The following LRRC7 variants were observed in gnomAD, a reference collection of about 807,000 sequenced individuals.
The protein encoded by LRRC7 is leucine-rich repeat-containing protein 7.
In LRRC7, 23 loss-of-function variants were observed where a neutral mutation model predicts 175.7. The observed-to-expected ratio is 0.13, with a 90% CI of 0.09 to 0.19. The LOEUF (loss-of-function observed/expected upper bound fraction) is 0.19. LRRC7 is among the 10% of genes least tolerant of loss of function. The pLI, the probability that LRRC7 is intolerant of heterozygous loss-of-function variation, is 1.00. For synonymous variants in LRRC7, 685 were observed against 680.9 expected (o/e 1.01, Z -0.09); for missense variants, 1,354 against 1,904.7 (o/e 0.71, Z 5.38).
intron 7 of LRRC7, chr1:69,919,368 G>A: frequency 1.6e-6 from 1 of 613,690 alleles, no homozygotes; most frequent in Non-Finnish European, 2.9e-6. Context: ...TGGCGGACGA[G>A]GAGAAACTGC....
At position 69,825,797 on chromosome 1, in the gene LRRC7, T is replaced by C. The variant is rs761612928; in HGVS notation, c.471T>C (p.Ile157=). ...ENIKCCKCLT[I]IEASVNPISK... ...TAAAGTGCTGTAAGTGTTTAACAAT[T>C]ATTGAAGCCAGTGTCAATCCCATTT... Residue 157 remains isoleucine (I), a synonymous_variant, in exon 5 of 27, where the codon ATT becomes ATC. Transcript: ENST00000651989. 9 of 1,604,944 alleles carry C rather than the reference T, an allele frequency of 5.6e-6. No homozygotes were observed. In the South Asian group the frequency reaches 8.9e-5, roughly 16 times the overall value.
In LRRC7 at chr1:70,024,791, A is replaced by G. The variant is rs577963922; in HGVS notation, c.1794+1417A>G. On this transcript the variant is annotated intron_variant, in intron 17 of 26. Coordinates refer to ENST00000651989, the MANE Select transcript of LRRC7 (RefSeq NM_001370785.2). ...TGTTTATTCACTTCTGATGCACTGC[A>G]TATACCCAATGAAAAATAAAGCAAA... 3.9e-5 allele frequency among the ~76,000 whole-genome samples: 6 copies of G among 152,306 alleles called. No individual in the cohort carries two copies. In the South Asian group the frequency reaches 1.2e-3, roughly 32 times the overall value.
At chr1:69,643,629 T>G in intron 1 of LRRC7, among the ~76,000 whole-genome samples, 1 of 152,144 alleles carries the variant, frequency 6.6e-6, no homozygotes, top group Non-Finnish European at 1.5e-5. Flanking sequence ...GGTCATGTGA[T>G]GGATGGAGGT....
At chr1:69,919,011 G>A (rs1646801897) in intron 7 of LRRC7, among the ~76,000 whole-genome samples, 1 of 152,082 alleles carries the variant, frequency 6.6e-6, no homozygotes. Context: ...GGTTTCAAAA[G>A]CAATAGAAAA....
intron 1 of LRRC7, among the ~76,000 whole-genome samples, chr1:69,648,880 A>T (rs1457064088): frequency 6.6e-6 from 1 of 152,232 alleles, no homozygotes; most frequent in Admixed American, 6.5e-5. Context: ...TGTTGTAGAC[A>T]GCACAAATAG....
At chr1:70,015,019 C>A (rs912802475) in intron 13 of LRRC7, among the ~76,000 whole-genome samples, 3 of 151,954 alleles carry the variant, frequency 2.0e-5, no homozygotes, top group Admixed American at 6.6e-5. Context: ...TTTTAATATA[C>A]CCCATACGTT....
chr1:69,761,076 G>C (rs1670988029), intron 3 of LRRC7, among the ~76,000 whole-genome samples: 1 of 151,938 alleles, frequency 6.6e-6, no homozygotes, highest in Non-Finnish European at 1.5e-5. Context: ...TTGCAGAAAA[G>C]ACTGGATGAT....
intron 23 of LRRC7, among the ~76,000 whole-genome samples, chr1:70,053,814 A>G (rs1453433621): frequency 1.3e-5 from 2 of 152,202 alleles, no homozygotes; most frequent in East Asian, 1.9e-4. Flanking sequence ...CAAATCAGTA[A>G]TGAAGACATA....
chr1:69,737,715 C>G (rs139937603), intron 2 of LRRC7, among the ~76,000 whole-genome samples: 1 of 152,098 alleles, frequency 6.6e-6, no homozygotes, highest in African/African-American at 2.4e-5. Flanking sequence ...TTAGACACTT[C>G]CCAGAACTCT....
intron 7 of LRRC7, among the ~76,000 whole-genome samples, chr1:69,883,537 G>T (rs1370035905): frequency 3.3e-4 from 32 of 98,402 alleles, no homozygotes; most frequent in Admixed American, 9.3e-4. Flanking sequence ...TGAGTAGGTT[G>T]TGAAAATTTT....
intron 2 of LRRC7, among the ~76,000 whole-genome samples, chr1:69,729,238 T>A (rs1667300297): frequency 6.6e-6 from 1 of 152,068 alleles, no homozygotes; most frequent in Non-Finnish European, 1.5e-5. Flanking sequence ...CCTGGCCTCT[T>A]CCAAATCTCG....
At chr1:69,788,826 C>T (rs1435740586) in intron 3 of LRRC7, among the ~76,000 whole-genome samples, 1 of 152,062 alleles carries the variant, frequency 6.6e-6, no homozygotes, top group Non-Finnish European at 1.5e-5. Flanking sequence ...ACATAAATTT[C>T]AATTAAATTA....
chr1:70,133,433 C>A lies in LRRC7; in HGVS notation c.*11546C>A, dbSNP rs1270912689. On this transcript the variant is annotated 3_prime_UTR_variant, in exon 27 of 27. Transcript: ENST00000651989. ...ACAGGTTTTCTCCATGTTGCCCAGG[C>A]TGGTCTTGAACACCTGGGCTCTATC... Among the ~76,000 whole-genome samples the A allele has an allele frequency of 6.6e-6, 1 of 152,130 alleles. No individual in the cohort carries two copies. Among genetic ancestry groups the A allele is most frequent in the Non-Finnish European group, 1.5e-5 (1 of 68,018 alleles).
intron 7 of LRRC7, among the ~76,000 whole-genome samples, chr1:69,849,055 A>G (rs1479908718): frequency 1.3e-5 from 2 of 152,076 alleles, no homozygotes; most frequent in African/African-American, 2.4e-5. Context: ...CTTTAAATTT[A>G]GCCTTTTCCC....
intron 2 of LRRC7, among the ~76,000 whole-genome samples, chr1:69,746,564 T>A (rs1314298690): frequency 6.6e-6 from 1 of 152,112 alleles, no homozygotes; most frequent in Non-Finnish European, 1.5e-5. Context: ...AATTTATATA[T>A]TTGCTTTGTT....
intron 7 of LRRC7, among the ~76,000 whole-genome samples, chr1:69,852,881 A>C (rs1683145193): frequency 6.6e-6 from 1 of 152,178 alleles, no homozygotes; most frequent in Non-Finnish European, 1.5e-5. Context: ...GTGTATTGTA[A>C]GGCAATATGG....
At chr1:69,627,102 C>A (rs1651709113) in intron 1 of LRRC7, among the ~76,000 whole-genome samples, 2 of 152,152 alleles carry the variant, frequency 1.3e-5, no homozygotes, top group African/African-American at 4.8e-5. Flanking sequence ...AATGGGTTGG[C>A]TGGGTCAAAT....
chr1:69,739,749 G>A (rs1668500615), intron 2 of LRRC7, among the ~76,000 whole-genome samples: 1 of 152,084 alleles, frequency 6.6e-6, no homozygotes, highest in East Asian at 1.9e-4. Context: ...GCTAGTTACT[G>A]AAGATACGAA....
chr1:70,112,860 G>A lies in LRRC7; in HGVS notation c.4620+5034G>A, dbSNP rs185208983. On this transcript the variant is annotated intron_variant, in intron 26 of 26. Transcript: ENST00000651989. ...ACTGGCATGAGTTTTCAGGAGCAGG[G>A]GTAAGAGGTTTATGCTAGAAAGGGT... Among the ~76,000 whole-genome samples the A allele has an allele frequency of 9.9e-5, 15 of 152,256 alleles. No homozygotes were observed. The East Asian group carries it at 2.9e-3, about 29-fold the overall frequency.
Sources: allele counts gnomAD v4.1 joint callset (sites outside exome capture counted in the v4.1 genomes callset), GRCh38; gene constraint gnomAD v4.1.1; transcripts MANE v1.5; gene names NCBI Gene and HGNC (gene_info 2026-07-23, HGNC 2026-07-21).